SERINC4: variants seen among roughly 807,000 people sequenced by gnomAD.
The protein encoded by SERINC4 is serine incorporator 4.
Under a neutral mutation model 52.0 loss-of-function variants are expected in SERINC4, and 52 were observed. The ratio of observed to expected loss-of-function variants is 1.00; its 90% CI spans 0.80 to 1.26. The LOEUF is 1.26. SERINC4 is among the 50% of genes most tolerant of loss of function. The pLI, the probability that SERINC4 is intolerant of heterozygous loss-of-function variation, is 0.00. For synonymous variants in SERINC4, 264 were observed against 247.7 expected, an observed-to-expected ratio of 1.07 and a Z score of -0.62; for missense variants, 723 against 632.8, an observed-to-expected ratio of 1.14 and a Z score of -1.53.
intron 9 of SERINC4, 72 bp downstream of exon 9, chr15:43,796,083 G>A (rs1482034515): frequency 1.8e-6 from 2 of 1,108,658 alleles, no homozygotes; most frequent in East Asian, 2.3e-5. Flanking sequence ...CTGGGTAGAG[G>A]TTGGTAGGAT....
Position 43,799,382 on chromosome 15 carries a change from C to CA in SERINC4, c.206dup (p.Ala71GlyfsTer39). 1 of 1,551,038 alleles carries CA rather than the reference C, an allele frequency of 6.4e-7. No individual in the cohort carries two copies. The highest frequency in any genetic ancestry group is 8.7e-7 in the Non-Finnish European group (1 of 1,147,096). On this transcript the variant is annotated frameshift_variant, in exon 2 of 12. Transcript: ENST00000319327. LOFTEE classifies it high-confidence loss of function. ...GGAGGCAGCAGATTGCTGAGGCCCC[C>CA]ACATGGAGGAGGATGTAGAACAGGC...
intron 4 of SERINC4, 62 bp from the exon 5 acceptor site, chr15:43,798,075 AG>A: frequency 8.2e-7 from 1 of 1,214,408 alleles, no homozygotes; most frequent in Non-Finnish European, 1.2e-6. Context: ...TTTGAGACAG[AG>A]TCTTGCTCTG....
Position 43,797,264 on chromosome 15 carries a change from A to G in SERINC4, c.725T>C (p.Leu242Pro). 1.3e-6 allele frequency: 2 copies of G among 1,550,298 alleles called. No homozygotes were observed. The highest frequency in any genetic ancestry group is 1.7e-6 in the Non-Finnish European group (2 of 1,146,962). The change falls in exon 6 of 12, where the codon CTC (leucine) becomes CCC (proline). Residue 242 changes from leucine to proline, a missense_variant. Transcript: ENST00000319327. ...FYSMAGVGAV[L>P]LFHYYTHPAG... is the part of the protein sequence containing the mutation. ...TGGGTGTGTATAATAGTGGAATAGGAGCACAGCTCCCACACCTGCCATGCT... is the reference window on the plus strand; with the variant it reads ...TGGGTGTGTATAATAGTGGAATAGGGGCACAGCTCCCACACCTGCCATGCT...
Position 43,796,733 on chromosome 15 carries a change from T to TG in SERINC4, c.949dup (p.Gln317ProfsTer14), listed in dbSNP as rs1486060543. On this transcript the variant is annotated frameshift_variant, in exon 8 of 12. Transcript: ENST00000319327. LOFTEE classifies it high-confidence loss of function. The stretch of plus-strand genomic sequence containing the variant: ...CAGGCACAGGGTGTGATTCTGTCCT[T>TG]GAAGGATTACTGGGAAGGGACAACA... 6.2e-7 allele frequency: 1 copy of TG among 1,614,180 alleles called. No individual in the cohort carries two copies. Among genetic ancestry groups the TG allele is most frequent in the Admixed American group, 1.7e-5 (1 of 60,026 alleles).
At position 43,794,992 on chromosome 15, in the gene SERINC4, A is replaced by T. The variant is rs763295298; in HGVS notation, c.*8T>A. 1 of 1,601,032 alleles carries T rather than the reference A, an allele frequency of 6.2e-7. No homozygotes were observed. The highest frequency in any genetic ancestry group is 2.2e-5 in the East Asian group (1 of 44,734). On this transcript the variant is annotated 3_prime_UTR_variant, in exon 12 of 12. Coordinates refer to ENST00000319327, the MANE Select transcript of SERINC4 (RefSeq NM_001258031.2). Reference sequence around the variant, plus strand: ...AATGTCAGGGGAACCCCAGTTTGTGAAAAGGACTTAGACTGGAGGATATTT... The same window carrying T: ...AATGTCAGGGGAACCCCAGTTTGTGTAAAGGACTTAGACTGGAGGATATTT...
rs994786181 is a variant in SERINC4 at position 43,794,219 on chromosome 15, C to G, written c.*781G>C. The G allele has an allele frequency of 4.1e-6, 2 of 483,584 alleles. No individual in the cohort carries two copies. Among genetic ancestry groups the G allele is most frequent in the African/African-American group, 3.9e-5 (2 of 51,232 alleles). 30.0% of individuals were successfully genotyped at this position (483,584 alleles called of 1,614,324 possible). A position where few individuals can be genotyped will look rare whatever the true frequency, so the allele number is the denominator to read the frequency against. ...TACAATGACAACCAAACAAGTACTC[C>G]GGATATGCAGTAGAGGAATCCTCTA... On this transcript the variant is annotated 3_prime_UTR_variant, in exon 12 of 12. Transcript: ENST00000319327.
In SERINC4 at chr15:43,797,343, C is replaced by G; in HGVS notation, c.646G>C (p.Ala216Pro). 6.5e-7 allele frequency: 1 copy of G among 1,548,166 alleles called. No individual in the cohort carries two copies. The highest frequency in any genetic ancestry group is 2.4e-5 in the East Asian group (1 of 40,918). Residue 216 changes from alanine (A) to proline (P), a missense_variant, in exon 6 of 12, where the codon GCT (alanine) becomes CCT (proline). Coordinates refer to ENST00000319327, the MANE Select transcript of SERINC4 (RefSeq NM_001258031.2). ...GCCAGGAACCAGCTACAGTCTTGAG[C>G]TGCACCTGTCTGCCTAAGGGTGGAA... Reference protein sequence around the residue: ...SWNKNWQTGAAQDCSWFLAVL... With the variant: ...SWNKNWQTGAPQDCSWFLAVL...
rs895088756 is a variant in SERINC4, at chr15:43,799,431, G to A, written c.158C>T (p.Ser53Phe). Residue 53 changes from serine (S) to phenylalanine (F), a missense_variant, in exon 2 of 12, where the codon TCT becomes TTT. Ser to Phe is a radical substitution (Grantham distance 155, BLOSUM62 -2). Transcript: ENST00000319327. ...CASCCHSRWP[S>F]LTASTCSRLF... is the part of the protein sequence containing the mutation. ...GCGGCTGCAAGTGGATGCGGTGAGA[G>A]AGGGCCACCTAGAGTGGCAGCAGCT... 2 of 1,550,804 alleles carry A rather than the reference G, an allele frequency of 1.3e-6. No individual in the cohort carries two copies. Among genetic ancestry groups the A allele is most frequent in the East Asian group, 4.9e-5 (2 of 40,924 alleles).
intron 5 of SERINC4, 177 bp downstream of exon 5, chr15:43,797,743 T>G (rs1300614070): frequency 8.4e-6 from 5 of 591,964 alleles, no homozygotes; most frequent in Non-Finnish European, 1.5e-5. Context: ...CTCAGAAGAC[T>G]GGTGTGACTA....
intron 1 of SERINC4, 65 bp downstream of exon 1, chr15:43,799,820 T>C: frequency 1.6e-6 from 2 of 1,272,570 alleles, no homozygotes; most frequent in Non-Finnish European, 2.2e-6. Context: ...AGGCCTGTCG[T>C]TTTTATTGGC....
At position 43,794,684 on chromosome 15, in the gene SERINC4, C is replaced by G. The variant is rs1433682977; in HGVS notation, c.*316G>C. ...AGTCCCTGTTGGTCTTTCCCCACCC[C>G]CACTTCCAGCCCAAGAGCCAGGAAA... is the stretch of plus-strand genomic sequence containing the variant. On this transcript the variant is annotated 3_prime_UTR_variant, in exon 12 of 12. Coordinates refer to ENST00000319327, the MANE Select transcript of SERINC4 (RefSeq NM_001258031.2). The G allele has an allele frequency of 1.4e-5, 4 of 281,984 alleles. No homozygotes were observed. Among genetic ancestry groups the G allele is most frequent in the Non-Finnish European group, 6.7e-6 (1 of 148,500 alleles). The allele number at this position is 281,984 out of a possible 1,614,324, so 17.5% of individuals were successfully genotyped here.
Position 43,800,007 on chromosome 15 carries a change from TTAGGTCCAC to T in SERINC4, c.-30_-22del. On this transcript the variant is annotated 5_prime_UTR_variant, in exon 1 of 12. Coordinates refer to ENST00000319327, the MANE Select transcript of SERINC4 (RefSeq NM_001258031.2). ...ACCATCCTTGTCCCAGGGATTAGGC[TTAGGTCCAC>T]CAGATGGAAGGCAGATGAGAGCAGC... is the stretch of plus-strand genomic sequence containing the variant. The T allele has an allele frequency of 6.7e-7, 1 of 1,490,048 alleles. No individual in the cohort carries two copies. Among genetic ancestry groups the T allele is most frequent in the South Asian group, 1.3e-5 (1 of 77,012 alleles). 92.3% of individuals were successfully genotyped at this position (1,490,048 alleles called of 1,614,324 possible). A position where few individuals can be genotyped will look rare whatever the true frequency, so the allele number is the denominator to read the frequency against.
chr15:43,795,995 TGTAAAA>T (rs2087206870), intron 9 of SERINC4, 154 bp downstream of exon 9: 2 of 666,806 alleles, frequency 3.0e-6, no homozygotes, highest in Non-Finnish European at 5.3e-6. Flanking sequence ...AATGAGATTA[TGTAAAA>T]GTATCTAGCA....
rs1207502877 is a variant in SERINC4, at chr15:43,799,458, G to T, written c.131C>A (p.Ala44Asp). The T allele has an allele frequency of 6.4e-7, 1 of 1,550,714 alleles. No homozygotes were observed. ...QVCCCGPAPC[A>D]SCCHSRWPSL... ...GGGCCACCTAGAGTGGCAGCAGCTGGCACAAGGAGCAGGCCCACAGCAGCA... is the reference window on the plus strand; with the variant it reads ...GGGCCACCTAGAGTGGCAGCAGCTGTCACAAGGAGCAGGCCCACAGCAGCA... Residue 44 changes from alanine to aspartate, a missense_variant, in exon 2 of 12, where the codon GCC becomes GAC. Transcript: ENST00000319327.
intron 10 of SERINC4, 54 bp from the exon 11 acceptor site, chr15:43,795,595 T>G (rs897058178): frequency 6.2e-7 from 1 of 1,611,710 alleles, no homozygotes; most frequent in African/African-American, 1.3e-5. Flanking sequence ...CCTCTTCCCC[T>G]CTCCCCCAAC....
In SERINC4 at chr15:43,795,081, G is replaced by C; in HGVS notation, c.1476C>G (p.Pro492=). The part of the protein sequence containing the change: ...GLLLAPLCWP[P]TQKPQPLILR... ...AGATAAGGGGCTGGGGTTTCTGGGT[G>C]GGGGGCCAACAGAGTGGTGCCAGTA... Residue 492 remains proline (P), a synonymous_variant, in exon 12 of 12, where the codon CCC becomes CCG. Transcript: ENST00000319327. The C allele has an allele frequency of 6.2e-7, 1 of 1,613,620 alleles. No homozygotes were observed. Among genetic ancestry groups the C allele is most frequent in the African/African-American group, 1.3e-5 (1 of 75,016 alleles).
At position 43,795,043 on chromosome 15, in the gene SERINC4, C is replaced by T. The variant is rs754483746; in HGVS notation, c.1514G>A (p.Arg505His). 46 of 1,609,254 alleles carry T rather than the reference C, an allele frequency of 2.9e-5. No homozygotes were observed. In the East Asian group the frequency reaches 3.3e-4, roughly 12 times the overall value. The change falls in exon 12 of 12, where the codon CGC becomes CAC. Residue 505 changes from arginine to histidine, a missense_variant. Coordinates refer to ENST00000319327, the MANE Select transcript of SERINC4 (RefSeq NM_001258031.2). ...KPQPLILRRR[R>H]HRIISPDNKY... ...GTTATCTGGGGATATGATGCGGTGG[C>T]GGCGGCGCCTCAAGATAAGGGGCTG...
chr15:43,798,388 T>G (rs2087253559), intron 4 of SERINC4, 37 bp downstream of exon 4: 2 of 1,489,504 alleles, frequency 1.3e-6, no homozygotes, highest in African/African-American at 2.8e-5. Flanking sequence ...TTAGAAAACT[T>G]AGCCTACTCC....
At chr15:43,798,072 C>CA in intron 4 of SERINC4, 59 bp from the exon 5 acceptor site, 1 of 1,204,282 alleles carries the variant, frequency 8.3e-7, no homozygotes. Context: ...TTTTTTGAGA[C>CA]AGAGTCTTGC....
Sources: gnomAD v4.1 joint callset for allele counts on GRCh38, gnomAD v4.1.1 for gene constraint, MANE v1.5 for transcripts, NCBI Gene and HGNC (gene_info 2026-07-23, HGNC 2026-07-21) for gene names.